DST: variants seen among roughly 807,000 people sequenced by gnomAD.
The protein encoded by DST is bullous pemphigoid antigen.
A neutral mutation model predicts 875.2 loss-of-function variants in DST; 253 were observed. The observed-to-expected ratio is 0.29, with a 90% CI of 0.26 to 0.32. The LOEUF (loss-of-function observed/expected upper bound fraction) is 0.32, where lower values mean the gene tolerates loss of function less well. Ranked by LOEUF, DST falls within the 10% of genes least tolerant of loss-of-function variation. DST has a pLI of 1.00. For synonymous variants in DST, 3,124 were observed against 3,197.1 expected, an observed-to-expected ratio of 0.98 and a Z score of 0.77; for missense variants, 8,287 against 9,111.6, an observed-to-expected ratio of 0.91 and a Z score of 3.68.
chr6:56,836,624 G>T (rs534685877), intron 4 of DST, among the ~76,000 whole-genome samples: 1 of 151,962 alleles, frequency 6.6e-6, no homozygotes, highest in African/African-American at 2.4e-5. Flanking sequence ...GCCGAGGCGG[G>T]CGGATCACGA....
At chr6:56,771,205 T>A (rs1368914101) in intron 4 of DST, among the ~76,000 whole-genome samples, 1 of 152,076 alleles carries the variant, frequency 6.6e-6, no homozygotes, top group Non-Finnish European at 1.5e-5. Context: ...TTAACTATAT[T>A]CCCTTTATAT....
intron 77 of DST, 56 bp from the exon 78 acceptor site, chr6:56,504,154 G>T: frequency 9.6e-7 from 1 of 1,040,346 alleles, no homozygotes; most frequent in Non-Finnish European, 1.4e-6. Context: ...AATTGCTACA[G>T]TATTTCAAGT....
At chr6:56,620,349 C>T (rs1393256875) in intron 36 of DST, 1 of 1,614,166 alleles carries the variant, frequency 6.2e-7, no homozygotes, top group East Asian at 2.2e-5. Flanking sequence ...TCCACGGCAG[C>T]TCTTTTAGCC....
chr6:56,902,554 C>T (rs1481164790), intron 2 of DST, among the ~76,000 whole-genome samples: 1 of 152,196 alleles, frequency 6.6e-6, no homozygotes. Flanking sequence ...TCAAAAGTAG[C>T]AATGAGGTCA....
At chr6:56,887,796 C>T (rs576577270) in intron 3 of DST, among the ~76,000 whole-genome samples, 74 of 152,070 alleles carry the variant, frequency 4.9e-4, no homozygotes, top group Middle Eastern at 6.8e-3. Context: ...CACATGAATC[C>T]CTTTACCAAG....
intron 10 of DST, among the ~76,000 whole-genome samples, chr6:56,655,882 A>G (rs1188743173): frequency 2.0e-5 from 3 of 152,190 alleles, no homozygotes; most frequent in South Asian, 2.1e-4. Context: ...TCATAACTAT[A>G]TATCTGCCTA....
At position 56,634,124 on chromosome 6, in the gene DST, A is replaced by C; in HGVS notation, c.3621+8T>G. On this transcript the variant is annotated splice_region_variant and intron_variant, in intron 27 of 103. Transcript: ENST00000680361. ...ACATATCGAGTTGACATACAGATTC[A>C]TACTTACTGAAGCCACATTGCTAGC... The C allele has an allele frequency of 6.2e-7, 1 of 1,612,906 alleles. No individual in the cohort carries two copies. Among genetic ancestry groups the C allele is most frequent in the Non-Finnish European group, 8.5e-7 (1 of 1,180,004 alleles).
At position 56,852,844 on chromosome 6, in the gene DST, G is replaced by C. The variant is rs559052547; in HGVS notation, c.418-1240C>G. On this transcript the variant is annotated intron_variant, in intron 3 of 103. Coordinates refer to ENST00000680361, the MANE Select transcript of DST (RefSeq NM_001374736.1). ...AAATCAGTGAGGCATGCTCCAATTT[G>C]AGCAAAAACACTGGGCTTCCCACAA... 3.9e-5 allele frequency among the ~76,000 whole-genome samples: 6 copies of C among 152,250 alleles called. No homozygotes were observed. In the East Asian group the frequency reaches 1.2e-3, roughly 29 times the overall value.
intron 47 of DST, among the ~76,000 whole-genome samples, chr6:56,594,460 A>G (rs1299742398): frequency 1.3e-5 from 2 of 152,188 alleles, no homozygotes; most frequent in Non-Finnish European, 2.9e-5. Context: ...ATTTTTCAGA[A>G]GTTTAGAAAA....
At chr6:56,856,549 A>C (rs1767952768) in intron 3 of DST, among the ~76,000 whole-genome samples, 1 of 152,232 alleles carries the variant, frequency 6.6e-6, no homozygotes, top group African/African-American at 2.4e-5. Context: ...ATTCTACAAG[A>C]CAATTGTCCT....
chr6:56,758,012 T>C lies in DST; in HGVS notation c.626-22723A>G, dbSNP rs1368942758. 2.0e-5 allele frequency among the ~76,000 whole-genome samples: 3 copies of C among 152,290 alleles called. No individual in the cohort carries two copies. The East Asian group carries it at 5.8e-4, about 29-fold the overall frequency. ...ACCTACTACTAAGAGCTCTTTGAAA[T>C]GGAAAATTTCCCAGGAAAGAAACAA... is the stretch of plus-strand genomic sequence containing the variant. On this transcript the variant is annotated intron_variant, in intron 4 of 103. Transcript: ENST00000680361.
intron 36 of DST, chr6:56,619,499 C>A: frequency 1.2e-6 from 2 of 1,612,080 alleles, no homozygotes; most frequent in Non-Finnish European, 1.7e-6. Flanking sequence ...TTTCTCATCT[C>A]GAAAAGAATG....
rs1212782887 is a variant in DST at position 56,608,122 on chromosome 6, TGAAATTTACAAAAAGA to T, written c.6490_6505del (p.Ser2164AsnfsTer37). Reference sequence around the variant, plus strand: ...TCTGTAATCATGAACTGTGGAGGGTTGAAATTTACAAAAAGAGAGCCATCTTCTGGCATTTTTACAA... The same window carrying T: ...TCTGTAATCATGAACTGTGGAGGGTTGAGCCATCTTCTGGCATTTTTACAA... On this transcript the variant is annotated frameshift_variant, in exon 40 of 104. Transcript: ENST00000680361. LOFTEE classifies it high-confidence loss of function. 3 of 1,613,728 alleles carry T rather than the reference TGAAATTTACAAAAAGA, an allele frequency of 1.9e-6. No homozygotes were observed. Among genetic ancestry groups the T allele is most frequent in the Non-Finnish European group, 2.5e-6 (3 of 1,179,768 alleles).
intron 5 of DST, among the ~76,000 whole-genome samples, chr6:56,720,859 G>C (rs1251346899): frequency 3.3e-5 from 5 of 151,966 alleles, no homozygotes; most frequent in African/African-American, 9.7e-5. Context: ...TTCTCAATGA[G>C]CTGTTTGGTA....
In DST at chr6:56,598,693, A is replaced by G. The variant is rs762411303; in HGVS notation, c.11711T>C (p.Met3904Thr). 6.3e-7 allele frequency: 1 copy of G among 1,589,492 alleles called. No individual in the cohort carries two copies. Among genetic ancestry groups the G allele is most frequent in the Non-Finnish European group, 8.5e-7 (1 of 1,169,886 alleles). ...AGCCAATGCCTGTGCACTTCCTTGC[A>G]TATCTTTCTGTAATTCCTTATAACA... ...QSKQEELQKD[M>T]QGSAQALAEV... The change falls in exon 46 of 104, where the codon ATG becomes ACG. Residue 3904 changes from methionine (M) to threonine (T), a missense_variant. Coordinates refer to ENST00000680361, the MANE Select transcript of DST (RefSeq NM_001374736.1).
chr6:56,723,046 G>T (rs2099428606), intron 5 of DST, among the ~76,000 whole-genome samples: 1 of 152,190 alleles, frequency 6.6e-6, no homozygotes, highest in African/African-American at 2.4e-5. Flanking sequence ...GAACTATCTG[G>T]TTGACAAGTT....
rs963776049 is a variant in DST at position 56,852,087 on chromosome 6, G to A, written c.418-483C>T. On this transcript the variant is annotated intron_variant, in intron 3 of 103. Transcript: ENST00000680361. Reference sequence around the variant, plus strand: ...GGATGTTGAGTCCCAACTCCTTTCCGCTTCAAGTCACCTCACCACTGGAGA... The same window carrying A: ...GGATGTTGAGTCCCAACTCCTTTCCACTTCAAGTCACCTCACCACTGGAGA... The A allele has an allele frequency of 1.6e-5, 22 of 1,367,610 alleles. No homozygotes were observed. In the African/African-American group the frequency reaches 2.6e-4, roughly 16 times the overall value. The allele number at this position is 1,367,610 out of a possible 1,614,324, so 84.7% of individuals were successfully genotyped here. A position where few individuals can be genotyped will look rare whatever the true frequency, so the allele number is the denominator to read the frequency against.
chr6:56,459,235 G>T lies in DST; in HGVS notation c.23227C>A (p.Arg7743=). 6.2e-7 allele frequency: 1 copy of T among 1,612,990 alleles called. No homozygotes were observed. The highest frequency in any genetic ancestry group is 1.1e-5 in the South Asian group (1 of 90,846). ...SKKTPSRPGS[R]AGSKAGSRAS... ...CTGCTGCCAGCTTTGCTTCCAGCTC[G>T]ACTTCCTGGTCGGCTGGGAGTCTTC... Residue 7743 remains arginine (R), a synonymous_variant, in exon 104 of 104, where the codon CGA becomes AGA. Transcript: ENST00000680361.
In DST at chr6:56,660,476, T is replaced by C. The variant is rs190382559; in HGVS notation, c.1215-9232A>G. Among the ~76,000 whole-genome samples, 825 of 152,260 alleles carry C rather than the reference T, an allele frequency of 5.4e-3. 18 individuals carry two copies. Among genetic ancestry groups the C allele is most frequent in the Non-Finnish European group, 9.9e-4 (67 of 68,016 alleles). On this transcript the variant is annotated intron_variant, in intron 10 of 103. Transcript: ENST00000680361. ...AACATCTGCTTTTCAAAAGATCATA[T>C]GCCTCACTTATCCTATGATAGCAGA...
Sources: gnomAD v4.1 joint callset for allele counts (sites outside exome capture counted in the v4.1 genomes callset) on GRCh38, gnomAD v4.1.1 for gene constraint, MANE v1.5 for transcripts, NCBI Gene and HGNC (gene_info 2026-07-23, HGNC 2026-07-21) for gene names.